Variants in ARHGEF37 observed in about 807,000 individuals in gnomAD.
ARHGEF37 encodes the protein Rho guanine nucleotide exchange factor 37, also known as Rho guanine nucleotide exchange factor (GEF) 37.
Under a neutral mutation model 71.1 loss-of-function variants are expected in ARHGEF37, and 55 were observed. The ratio of observed to expected loss-of-function variants is 0.77; its 90% CI spans 0.62 to 0.97. The LOEUF (loss-of-function observed/expected upper bound fraction) is 0.97. Ranked by LOEUF, ARHGEF37 falls within the 50% of genes least tolerant of loss-of-function variation. The probability of loss-of-function intolerance (pLI) is 0.00; values close to 1 mark genes in which losing one functional copy is unlikely to be tolerated. For synonymous variants in ARHGEF37, 327 were observed against 350.6 expected, an observed-to-expected ratio of 0.93 and a Z score of 0.75; for missense variants, 765 against 836.8, an observed-to-expected ratio of 0.91 and a Z score of 1.06.
At chr5:149,556,692 T>G (rs1402259199) in intron 1 of ARHGEF37, among the ~76,000 whole-genome samples, 1 of 151,954 alleles carries the variant, frequency 6.6e-6, no homozygotes, top group Non-Finnish European at 1.5e-5. Flanking sequence ...TGGCCGTAAT[T>G]TTGTATTTTT....
chr5:149,596,560 C>T (rs1281298071), intron 1 of ARHGEF37, among the ~76,000 whole-genome samples: 1 of 152,222 alleles, frequency 6.6e-6, no homozygotes, highest in Admixed American at 6.5e-5. Context: ...CCACCTCAGC[C>T]TCCCAAAGTG....
chr5:149,601,155 C>T lies in ARHGEF37; in HGVS notation c.234C>T (p.Ile78=). 7 of 1,613,310 alleles carry T rather than the reference C, an allele frequency of 4.3e-6. No homozygotes were observed. The highest frequency in any genetic ancestry group is 1.1e-5 in the South Asian group (1 of 90,990). ...LDVLFSNIDD[I]IKVNSRFLHD... ...TCCTGTTCTCAAACATTGATGATAT[C>T]ATCAAAGTGAACAGCAGATTCCTCC... Residue 78 remains isoleucine (I), a synonymous_variant, in exon 3 of 13, where the codon ATC becomes ATT. Coordinates refer to ENST00000333677, the MANE Select transcript of ARHGEF37 (RefSeq NM_001001669.3).
intron 1 of ARHGEF37, among the ~76,000 whole-genome samples, chr5:149,597,187 A>G (rs574178126): frequency 6.6e-6 from 1 of 152,248 alleles, no homozygotes; most frequent in East Asian, 1.9e-4. Flanking sequence ...CTGGATTGGA[A>G]ATAGAAGAAA....
rs563341736 is a variant in ARHGEF37, at chr5:149,558,463, G to A, written c.-12+6340G>A. Among the ~76,000 whole-genome samples, 12 of 152,284 alleles carry A rather than the reference G, an allele frequency of 7.9e-5. No individual in the cohort carries two copies. In the South Asian group the frequency reaches 2.5e-3, roughly 32 times the overall value. On this transcript the variant is annotated intron_variant, in intron 1 of 2. Transcript: ENST00000505810. ...AAAGGTTGCAGTGAGCTGAGATTGT[G>A]CCACTGCACTCCAGCCTGGGCGACA...
chr5:149,557,254 T>G (rs1176829968), intron 1 of ARHGEF37, among the ~76,000 whole-genome samples: 1 of 152,142 alleles, frequency 6.6e-6, no homozygotes, highest in Non-Finnish European at 1.5e-5. Context: ...GACCCAGGAC[T>G]TATATACCAC....
chr5:149,629,004 G>A lies in ARHGEF37; in HGVS notation c.1818+38G>A, dbSNP rs75279585. ...GAGGGCTGGGGGCTTGCCTCCCATC[G>A]GCCATCCGGACTGTGGCTTGGATTT... On this transcript the variant is annotated intron_variant, in intron 12 of 12. Transcript: ENST00000333677. 3,667 of 1,591,564 alleles carry A rather than the reference G, an allele frequency of 2.3e-3. 88 individuals carry two copies. The African/African-American group carries it at 0.044, about 19-fold the overall frequency.
chr5:149,618,769 T>C (rs888203063), intron 6 of ARHGEF37, among the ~76,000 whole-genome samples, 169 bp from the exon 7 acceptor site: 1 of 152,166 alleles, frequency 6.6e-6, no homozygotes, highest in Non-Finnish European at 1.5e-5. Context: ...TTCCATGCTC[T>C]GAATGTAAAA....
chr5:149,597,997 A>G lies in ARHGEF37; in HGVS notation c.186+42A>G, dbSNP rs747339000. On this transcript the variant is annotated intron_variant, in intron 2 of 12. Transcript: ENST00000333677. ...ACACACAACCTGTCTTTATAGGGGC[A>G]AATGTGGGTCCCAGCTTCTGAGATT... The G allele has an allele frequency of 1.0e-5, 15 of 1,504,686 alleles. No homozygotes were observed. The South Asian group carries it at 1.6e-4, about 16-fold the overall frequency. 93.2% of individuals were successfully genotyped at this position (1,504,686 alleles called of 1,614,324 possible).
chr5:149,628,662 G>C (rs1752774660), intron 11 of ARHGEF37, 147 bp from the exon 12 acceptor site: 1 of 1,039,490 alleles, frequency 9.6e-7, no homozygotes, highest in Non-Finnish European at 1.4e-6. Context: ...GTGTGGGGCA[G>C]GGGGGTTCAG....
At chr5:149,553,449 C>G (rs921427036) in intron 1 of ARHGEF37, among the ~76,000 whole-genome samples, 4 of 151,524 alleles carry the variant, frequency 2.6e-5, no homozygotes, top group Admixed American at 6.6e-5. Context: ...AAAAAAAAGC[C>G]AAGTTTAAGC....
intron 1 of ARHGEF37, among the ~76,000 whole-genome samples, chr5:149,571,905 C>CAA (rs150393350): frequency 0.35 from 27,053 of 77,236 alleles, 4,184 homozygotes; most frequent in Admixed American, 0.45. Flanking sequence ...GACCCTGTCT[C>CAA]AAAAAAAAAA....
At chr5:149,580,111 AGTTCAGT>A (rs1340191199), upstream of ARHGEF37, among the ~76,000 whole-genome samples, 2 of 151,666 alleles carry the variant, frequency 1.3e-5, no homozygotes, top group African/African-American at 2.4e-5. Context: ...ACCAGGCTGG[AGTTCAGT>A]GGCGTGATCT....
intron 1 of ARHGEF37, among the ~76,000 whole-genome samples, chr5:149,562,090 G>T (rs914944373): frequency 6.6e-6 from 1 of 152,160 alleles, no homozygotes; most frequent in Non-Finnish European, 1.5e-5. Context: ...GCTGATGCCA[G>T]GAAGCACTGA....
At chr5:149,583,625 A>G (rs896756144) in intron 1 of ARHGEF37, among the ~76,000 whole-genome samples, 1 of 152,232 alleles carries the variant, frequency 6.6e-6, no homozygotes, top group South Asian at 2.1e-4. Context: ...TCTGCCCTAG[A>G]TCAAATAAAT....
At chr5:149,600,124 T>C (rs1424348887) in intron 2 of ARHGEF37, among the ~76,000 whole-genome samples, 2 of 152,216 alleles carry the variant, frequency 1.3e-5, no homozygotes, top group Admixed American at 6.5e-5. Context: ...GTCACTGTCC[T>C]GAATACTACA....
At chr5:149,579,589 T>C (rs1007787814), upstream of ARHGEF37, among the ~76,000 whole-genome samples, 1 of 151,926 alleles carries the variant, frequency 6.6e-6, no homozygotes, top group African/African-American at 2.4e-5. Context: ...ATTATTATTA[T>C]TATTATTTTT....
At chr5:149,628,413 G>A (rs1244575709) in intron 11 of ARHGEF37, among the ~76,000 whole-genome samples, 1 of 152,250 alleles carries the variant, frequency 6.6e-6, no homozygotes, top group Non-Finnish European at 1.5e-5. Flanking sequence ...CTCACATGGA[G>A]AGGAGAAAGG....
intron 1 of ARHGEF37, among the ~76,000 whole-genome samples, chr5:149,558,694 TG>T (rs1348244265): frequency 2.9e-4 from 1 of 3,436 alleles, no homozygotes; most frequent in Non-Finnish European, 6.7e-4. Flanking sequence ...TATATATATG[TG>T]TGTGTGTGTG....
At chr5:149,554,003 A>G (rs1762718538) in intron 1 of ARHGEF37, among the ~76,000 whole-genome samples, 1 of 152,128 alleles carries the variant, frequency 6.6e-6, no homozygotes, top group African/African-American at 2.4e-5. Flanking sequence ...CCCTGTCTCT[A>G]CTAAAAACAC....
Sources: gnomAD v4.1 joint callset for allele counts (sites outside exome capture counted in the v4.1 genomes callset) on GRCh38, gnomAD v4.1.1 for gene constraint, MANE v1.5 for transcripts, NCBI Gene and HGNC (gene_info 2026-07-23, HGNC 2026-07-21) for gene names.